The following CYFIP2 variants were observed in gnomAD, a reference collection of about 807,000 sequenced individuals.
CYFIP2 encodes cytoplasmic FMR1 interacting protein 2, also known as cytoplasmic FMR1-interacting protein 2.
CYFIP2 carries 29 observed loss-of-function variants against 158.7 expected under a neutral mutation model. That is an observed-to-expected ratio of 0.18 (90% confidence interval 0.14 to 0.25). The LOEUF (loss-of-function observed/expected upper bound fraction) is 0.25, where lower values mean the gene tolerates loss of function less well. Among genes scored for constraint, CYFIP2 ranks in the 10% least tolerant of loss-of-function variants. The pLI is 1.00. For synonymous variants in CYFIP2, 585 were observed against 617.6 expected, an observed-to-expected ratio of 0.95 and a Z score of 0.78; for missense variants, 852 against 1,639.5, an observed-to-expected ratio of 0.52 and a Z score of 8.29.
intron 23 of CYFIP2, chr5:157,343,070 T>G (rs200821834): frequency 5.0e-6 from 8 of 1,614,198 alleles, no homozygotes; most frequent in Non-Finnish European, 6.8e-6. Context: ...CACCAACCCA[T>G]TGGCCTCCTC....
At chr5:157,278,393 C>CA (rs1018929108) in intron 1 of CYFIP2, among the ~76,000 whole-genome samples, 4 of 151,988 alleles carry the variant, frequency 2.6e-5, no homozygotes, top group Non-Finnish European at 5.9e-5. Flanking sequence ...AAAAAGCAGC[C>CA]AAACTGGGAA....
At chr5:157,385,978 A>G (rs539382415) in intron 28 of CYFIP2, among the ~76,000 whole-genome samples, 48 of 152,284 alleles carry the variant, frequency 3.2e-4, no homozygotes, top group African/African-American at 1.1e-3. Flanking sequence ...ACCAAACTGC[A>G]AATTGAGGGT....
At chr5:157,342,681 TG>T in intron 23 of CYFIP2, 1 of 601,544 alleles carries the variant, frequency 1.7e-6, no homozygotes, top group East Asian at 2.8e-5. Context: ...TGGCATACCC[TG>T]GGGGATACAT....
chr5:157,331,809 A>C (rs1008616698), intron 20 of CYFIP2, among the ~76,000 whole-genome samples: 1 of 152,184 alleles, frequency 6.6e-6, no homozygotes, highest in South Asian at 2.1e-4. Flanking sequence ...GTTGGTAGAA[A>C]ATTGATGCCA....
chr5:157,296,681 C>T lies in CYFIP2; in HGVS notation c.294C>T (p.Cys98=), dbSNP rs368093712. The change falls in exon 5 of 31, where the codon TGC becomes TGT. Residue 98 remains cysteine, a synonymous_variant. Coordinates refer to ENST00000620254, the MANE Select transcript of CYFIP2 (RefSeq NM_001037333.3). ...CCCATTATCCCCCACAGGTGAAATG[C>T]AACGAGCAGCCCAACCGAGTAGAGA... ...SCSRAIPQVK[C]NEQPNRVEIY... 89 of 1,613,260 alleles carry T rather than the reference C, an allele frequency of 5.5e-5. No homozygotes were observed. The highest frequency in any genetic ancestry group is 7.3e-5 in the Non-Finnish European group (86 of 1,179,486).
chr5:157,373,391 C>A (rs975795528), intron 26 of CYFIP2, among the ~76,000 whole-genome samples: 1 of 152,152 alleles, frequency 6.6e-6, no homozygotes, highest in African/African-American at 2.4e-5. Context: ...CTTCAGCCCC[C>A]CAGAAAGAGC....
chr5:157,305,274 A>T (rs1479691688), intron 8 of CYFIP2, among the ~76,000 whole-genome samples: 1 of 152,210 alleles, frequency 6.6e-6, no homozygotes, highest in Non-Finnish European at 1.5e-5. Context: ...ACCCGGTAGT[A>T]GGATTGCTGG....
At chr5:157,320,880 T>G in intron 15 of CYFIP2, 78 bp downstream of exon 15, 1 of 1,437,452 alleles carries the variant, frequency 7.0e-7, no homozygotes, top group Non-Finnish European at 9.1e-7. Flanking sequence ...TGGCTGGCCA[T>G]GGGCAGTGGG....
intron 9 of CYFIP2, among the ~76,000 whole-genome samples, chr5:157,308,843 G>A (rs1250721527): frequency 6.6e-6 from 1 of 152,198 alleles, no homozygotes; most frequent in African/African-American, 2.4e-5. Flanking sequence ...GGGTAGAAGA[G>A]AAATACAACC....
chr5:157,315,876 A>G (rs1760105776), intron 13 of CYFIP2, among the ~76,000 whole-genome samples: 1 of 152,210 alleles, frequency 6.6e-6, no homozygotes, highest in African/African-American at 2.4e-5. Context: ...AGTTGAGGTC[A>G]GGAGTTCAAG....
At chr5:157,342,383 C>G (rs1474804395) in intron 23 of CYFIP2, 2 of 153,506 alleles carry the variant, frequency 1.3e-5, no homozygotes, top group Non-Finnish European at 2.9e-5. Flanking sequence ...GGAAAACACT[C>G]CAGAGCAAGG....
At chr5:157,320,537 C>A in intron 14 of CYFIP2, 118 bp from the exon 15 acceptor site, 1 of 1,324,902 alleles carries the variant, frequency 7.5e-7, no homozygotes, top group Non-Finnish European at 1.0e-6. Context: ...GCTTTACAAG[C>A]ACCCCAAGAA....
rs200025973 is a variant in CYFIP2, at chr5:157,342,878, G to A, written c.2673+1721G>A. 418 of 1,612,870 alleles carry A rather than the reference G, an allele frequency of 2.6e-4. 1 individual carries two copies. Among genetic ancestry groups the A allele is most frequent in the Admixed American group, 5.2e-4 (31 of 59,912 alleles). ...TCCCCACTCTCATTCCCCACAATGAGGCAGTATAGCGGGTGGGTCACCACC... is the reference window on the plus strand; with the variant it reads ...TCCCCACTCTCATTCCCCACAATGAAGCAGTATAGCGGGTGGGTCACCACC... On this transcript the variant is annotated intron_variant, in intron 23 of 30. Transcript: ENST00000620254.
chr5:157,361,239 A>ATGTG lies in CYFIP2; in HGVS notation c.2909-224_2909-221dup, dbSNP rs1763798842. On this transcript the variant is annotated intron_variant, in intron 25 of 30. Coordinates refer to ENST00000620254, the MANE Select transcript of CYFIP2 (RefSeq NM_001037333.3). This position sits in a 1 kb window ranked among gnomAD's most constrained non-coding sequence, Gnocchi z 4.4. The stretch of plus-strand genomic sequence containing the variant: ...TGTGCCTGTGTTTGTGTGTGTGTGC[A>ATGTG]TGTGTGTGCGTGTGTGTGTTCTGAA... Among the ~76,000 whole-genome samples, 1 of 151,894 alleles carries ATGTG rather than the reference A, an allele frequency of 6.6e-6. No homozygotes were observed. The highest frequency in any genetic ancestry group is 6.6e-5 in the Admixed American group (1 of 15,246).
At chr5:157,365,444 C>G (rs1291129507) in intron 26 of CYFIP2, 2 of 152,184 alleles carry the variant, frequency 1.3e-5, no homozygotes, top group South Asian at 4.2e-4. Context: ...TTAGTAGGTG[C>G]TTATAAATAT....
chr5:157,312,716 G>A (rs376941514), intron 11 of CYFIP2, among the ~76,000 whole-genome samples: 22 of 152,328 alleles, frequency 1.4e-4, no homozygotes, highest in African/African-American at 4.8e-4. Context: ...GCAAGGCCTC[G>A]TGGCCATTAG....
intron 3 of CYFIP2, among the ~76,000 whole-genome samples, chr5:157,290,416 A>C (rs900098360): frequency 1.3e-5 from 2 of 152,094 alleles, no homozygotes; most frequent in African/African-American, 4.8e-5. Flanking sequence ...TGCATCTTCA[A>C]ATCTCCTTCT....
chr5:157,368,206 C>T (rs1040815024), intron 26 of CYFIP2, among the ~76,000 whole-genome samples: 2 of 152,108 alleles, frequency 1.3e-5, no homozygotes, highest in African/African-American at 4.8e-5. Context: ...GACAGGGGCA[C>T]GGGAGAAGTG....
chr5:157,312,061 AG>A (rs1198122851), intron 11 of CYFIP2, among the ~76,000 whole-genome samples: 1 of 152,250 alleles, frequency 6.6e-6, no homozygotes, highest in African/African-American at 2.4e-5. Context: ...GTTCATTGAG[AG>A]GATTAAAAGA....
Sources: allele counts gnomAD v4.1 joint callset (sites outside exome capture counted in the v4.1 genomes callset), GRCh38; gene constraint gnomAD v4.1.1; non-coding constraint Gnocchi (gnomAD v3.1); transcripts MANE v1.5; gene names NCBI Gene and HGNC (gene_info 2026-07-23, HGNC 2026-07-21).